The following KCNQ1OT1 variants were observed in gnomAD, a reference collection of about 807,000 sequenced individuals.
KCNQ1OT1 encodes the protein KCNQ1 opposite strand/antisense transcript 1, also known as KCNQ1 antisense RNA 2 (non-protein coding).
At chr11:2,628,911 GA>G (rs765682912) in exon 1 of KCNQ1OT1, 3 of 398,210 alleles carry the variant, frequency 7.5e-6, no homozygotes, top group Non-Finnish European at 1.3e-5. Flanking sequence ...CTTTGTCAAA[GA>G]TTAGTTGACC....
rs1252764403 is a variant in KCNQ1OT1 at position 2,683,962 on chromosome 11, T to C, written n.16033A>G. Reference sequence around the variant, plus strand: ...ACAAAACCAGCTGACTGCTTTTACTTTTTTTTTTTTTTCATTTAGAAGAAT... The same window carrying C: ...ACAAAACCAGCTGACTGCTTTTACTCTTTTTTTTTTTTCATTTAGAAGAAT... On this transcript the variant is annotated non_coding_transcript_exon_variant, in exon 1 of 1. Coordinates refer to ENST00000597346, the Ensembl canonical transcript of KCNQ1OT1. This position sits in a 1 kb window ranked among gnomAD's most constrained non-coding sequence, Gnocchi z 4.7. 1 of 327,966 alleles carries C rather than the reference T, an allele frequency of 3.0e-6. No homozygotes were observed. Among genetic ancestry groups the C allele is most frequent in the Non-Finnish European group, 5.4e-6 (1 of 183,526 alleles). The allele number at this position is 327,966 out of a possible 1,614,324, so 20.3% of individuals were successfully genotyped here.
rs1849204537 is a variant in KCNQ1OT1, at chr11:2,623,312, G to A, written n.76683C>T. The A allele has an allele frequency of 2.5e-6, 1 of 398,688 alleles. No individual in the cohort carries two copies. Among genetic ancestry groups the A allele is most frequent in the Non-Finnish European group, 4.4e-6 (1 of 226,090 alleles). 24.7% of individuals were successfully genotyped at this position (398,688 alleles called of 1,614,324 possible). On this transcript the variant is annotated non_coding_transcript_exon_variant, in exon 1 of 1. Coordinates refer to ENST00000597346, the Ensembl canonical transcript of KCNQ1OT1. This position sits in a 1 kb window ranked among gnomAD's most constrained non-coding sequence, Gnocchi z 5.2. ...CTCAGGTAGTTCTTTATAGCACTGT[G>A]AGAACGGACTAATATGCATGTATCT... is the stretch of plus-strand genomic sequence containing the variant.
rs1330152199 is a variant in KCNQ1OT1 at position 2,669,065 on chromosome 11, C to G, written n.30930G>C. ...CATGGGAAGGCCCGTCCTCTCCCAA[C>G]TACCCTGCCGTATCAGTGTCTTTAC... On this transcript the variant is annotated non_coding_transcript_exon_variant, in exon 1 of 1. Coordinates refer to ENST00000597346, the Ensembl canonical transcript of KCNQ1OT1. This position sits in a 1 kb window ranked among gnomAD's most constrained non-coding sequence, Gnocchi z 5.6. 1 of 398,606 alleles carries G rather than the reference C, an allele frequency of 2.5e-6. No individual in the cohort carries two copies. The highest frequency in any genetic ancestry group is 4.4e-6 in the Non-Finnish European group (1 of 226,118). The allele number at this position is 398,606 out of a possible 1,614,324, so 24.7% of individuals were successfully genotyped here.
chr11:2,611,793 C>T lies in KCNQ1OT1; in HGVS notation n.88202G>A. The T allele has an allele frequency of 2.5e-6, 1 of 398,392 alleles. No individual in the cohort carries two copies. The highest frequency in any genetic ancestry group is 4.4e-6 in the Non-Finnish European group (1 of 225,992). The allele number at this position is 398,392 out of a possible 1,614,324, so 24.7% of individuals were successfully genotyped here. A position where few individuals can be genotyped will look rare whatever the true frequency, so the allele number is the denominator to read the frequency against. On this transcript the variant is annotated non_coding_transcript_exon_variant, in exon 1 of 1. Transcript: ENST00000597346. This position sits in a 1 kb window ranked among gnomAD's most constrained non-coding sequence, Gnocchi z 5.3. ...CTCATATCACTTTTGTTCCTCTCTT[C>T]CTCCTTTACTGCCTTCTGCAGGTTG...
At chr11:2,640,739 T>C (rs1849562091) in exon 1 of KCNQ1OT1, 2 of 398,558 alleles carry the variant, frequency 5.0e-6, no homozygotes, top group Non-Finnish European at 8.8e-6. Context: ...TATTGTTAAA[T>C]ATAGTCAACC....
At chr11:2,696,066 A>C (rs1046799795) in exon 1 of KCNQ1OT1, 4 of 398,474 alleles carry the variant, frequency 1.0e-5, no homozygotes, top group African/African-American at 6.2e-5. Flanking sequence ...AACAGTCTTG[A>C]CCCTTGCCAT....
At chr11:2,694,829 C>T in exon 1 of KCNQ1OT1, 1 of 398,588 alleles carries the variant, frequency 2.5e-6, no homozygotes. Flanking sequence ...AAGGGGATGA[C>T]AGATATGGCA....
At chr11:2,650,502 A>G (rs909047692) in exon 1 of KCNQ1OT1, 5 of 398,508 alleles carry the variant, frequency 1.3e-5, no homozygotes, top group East Asian at 1.1e-4. Flanking sequence ...TGTCTCTACA[A>G]TTAATTAGAC....
rs1564860487 is a variant in KCNQ1OT1 at position 2,693,702 on chromosome 11, A to T, written n.6293T>A. On this transcript the variant is annotated non_coding_transcript_exon_variant, in exon 1 of 1. Transcript: ENST00000597346. ...CAGAGACTGGGTGCGCTCCAGCCTC[A>T]TGGGCCTTCCTGGCTGGTGTGACTG... is the stretch of plus-strand genomic sequence containing the variant. 1.0e-5 allele frequency: 4 copies of T among 398,688 alleles called. No individual in the cohort carries two copies. The East Asian group carries it at 1.4e-4, about 14-fold the overall frequency. The allele number at this position is 398,688 out of a possible 1,614,324, so 24.7% of individuals were successfully genotyped here. A position where few individuals can be genotyped will look rare whatever the true frequency, so the allele number is the denominator to read the frequency against.
At chr11:2,675,343 T>A in exon 1 of KCNQ1OT1, 1 of 398,638 alleles carries the variant, frequency 2.5e-6, no homozygotes, top group East Asian at 3.6e-5. Flanking sequence ...CATATTTTTT[T>A]AATGAGTTTA....
At chr11:2,666,912 C>G (rs957645867) in exon 1 of KCNQ1OT1, 3 of 398,560 alleles carry the variant, frequency 7.5e-6, no homozygotes, top group Non-Finnish European at 1.3e-5. Flanking sequence ...AGTGTCCTGT[C>G]TTCTGCAAAG....
At position 2,657,459 on chromosome 11, in the gene KCNQ1OT1, T is replaced by TA; in HGVS notation, n.42535dup. 2.5e-6 allele frequency: 1 copy of TA among 398,594 alleles called. No homozygotes were observed. Among genetic ancestry groups the TA allele is most frequent in the African/African-American group, 2.1e-5 (1 of 48,770 alleles). The allele number at this position is 398,594 out of a possible 1,614,324, so 24.7% of individuals were successfully genotyped here. A position where few individuals can be genotyped will look rare whatever the true frequency, so the allele number is the denominator to read the frequency against. ...TAATTAATATTCTTTTGTGCTATTG[T>TA]ATACAGGTTCTGTTTTCTCTTGTTA... On this transcript the variant is annotated non_coding_transcript_exon_variant, in exon 1 of 1. Coordinates refer to ENST00000597346, the Ensembl canonical transcript of KCNQ1OT1. This position sits in a 1 kb window ranked among gnomAD's most constrained non-coding sequence, Gnocchi z 4.8.
At chr11:2,688,313 C>T (rs1850527092) in exon 1 of KCNQ1OT1, 1 of 398,620 alleles carries the variant, frequency 2.5e-6, no homozygotes, top group African/African-American at 2.1e-5. Flanking sequence ...AAAATCTAAG[C>T]ACGTCACACA....
rs929475630 is a variant in KCNQ1OT1, at chr11:2,626,520, G to A, written n.73475C>T. The A allele has an allele frequency of 3.5e-5, 14 of 398,324 alleles. No individual in the cohort carries two copies. The highest frequency in any genetic ancestry group is 6.2e-4 in the Middle Eastern group (1 of 1,614). 24.7% of individuals were successfully genotyped at this position (398,324 alleles called of 1,614,324 possible). A position where few individuals can be genotyped will look rare whatever the true frequency, so the allele number is the denominator to read the frequency against. On this transcript the variant is annotated non_coding_transcript_exon_variant, in exon 1 of 1. Transcript: ENST00000597346. This position sits in a 1 kb window ranked among gnomAD's most constrained non-coding sequence, Gnocchi z 4.0. ...ACATAGTTTTGATTACTGTAGCTTCGTAATAAGTTGGGGTTTTTGTTTGTT... is the reference window on the plus strand; with the variant it reads ...ACATAGTTTTGATTACTGTAGCTTCATAATAAGTTGGGGTTTTTGTTTGTT...
exon 1 of KCNQ1OT1, chr11:2,656,128 C>T (rs1200749217): frequency 5.0e-6 from 2 of 398,538 alleles, no homozygotes; most frequent in Non-Finnish European, 4.4e-6. Flanking sequence ...GCCTGTGCTC[C>T]ATCGTTCCTT....
At position 2,623,309 on chromosome 11, in the gene KCNQ1OT1, T is replaced by A; in HGVS notation, n.76686A>T. ...AGTCTCAGGTAGTTCTTTATAGCAC[T>A]GTGAGAACGGACTAATATGCATGTA... On this transcript the variant is annotated non_coding_transcript_exon_variant, in exon 1 of 1. Coordinates refer to ENST00000597346, the Ensembl canonical transcript of KCNQ1OT1. The surrounding 1 kb of genome is among the most constrained non-coding windows in gnomAD (Gnocchi z 5.2). The A allele has an allele frequency of 2.5e-6, 1 of 398,802 alleles. No homozygotes were observed. Among genetic ancestry groups the A allele is most frequent in the Non-Finnish European group, 4.4e-6 (1 of 226,102 alleles). 24.7% of individuals were successfully genotyped at this position (398,802 alleles called of 1,614,324 possible). A position where few individuals can be genotyped will look rare whatever the true frequency, so the allele number is the denominator to read the frequency against.
At position 2,647,463 on chromosome 11, in the gene KCNQ1OT1, G is replaced by T. The variant is rs1849684100; in HGVS notation, n.52532C>A. The T allele has an allele frequency of 2.5e-6, 1 of 398,342 alleles. No homozygotes were observed. 24.7% of individuals were successfully genotyped at this position (398,342 alleles called of 1,614,324 possible). A position where few individuals can be genotyped will look rare whatever the true frequency, so the allele number is the denominator to read the frequency against. Reference sequence around the variant, plus strand: ...AGATTGGCCTGTAGTTTTCTTTTTTGCTGTTATTGTGTCCTTATCTGGTTT... The same window carrying T: ...AGATTGGCCTGTAGTTTTCTTTTTTTCTGTTATTGTGTCCTTATCTGGTTT... On this transcript the variant is annotated non_coding_transcript_exon_variant, in exon 1 of 1. Coordinates refer to ENST00000597346, the Ensembl canonical transcript of KCNQ1OT1. This position sits in a 1 kb window ranked among gnomAD's most constrained non-coding sequence, Gnocchi z 4.0.
exon 1 of KCNQ1OT1, chr11:2,686,751 A>C (rs539228340): frequency 2.5e-6 from 1 of 398,642 alleles, no homozygotes; most frequent in African/African-American, 2.1e-5. Context: ...AGTAGCTTTC[A>C]ATTGTAAATG....
exon 1 of KCNQ1OT1, chr11:2,649,547 G>A (rs1197298078): frequency 2.5e-6 from 1 of 398,508 alleles, no homozygotes; most frequent in Non-Finnish European, 4.4e-6. Context: ...CATTTCTGAA[G>A]GATAGCTTTG....
Sources: gnomAD v4.1 joint callset for allele counts on GRCh38, gnomAD v4.1.1 for gene constraint, Gnocchi (gnomAD v3.1) non-coding constraint, MANE v1.5 for transcripts, NCBI Gene and HGNC (gene_info 2026-07-23, HGNC 2026-07-21) for gene names.